BTAF1: variants seen among roughly 807,000 people sequenced by gnomAD.
BTAF1 encodes the protein B-TFIID TATA-box binding protein associated factor 1.
A neutral mutation model predicts 227.1 loss-of-function variants in BTAF1; 38 were observed. That is an observed-to-expected ratio of 0.17 (90% CI 0.13 to 0.22). The LOEUF is 0.22. Among genes scored for constraint, BTAF1 ranks in the 10% least tolerant of loss-of-function variants. The pLI is 1.00. For synonymous variants in BTAF1, 742 were observed against 751.9 expected (o/e 0.99, Z 0.21); for missense variants, 1,598 against 2,204.0 (o/e 0.73, Z 5.51).
At chr10:91,997,350 T>A (rs545354639) in intron 24 of BTAF1, among the ~76,000 whole-genome samples, 1 of 152,372 alleles carries the variant, frequency 6.6e-6, no homozygotes, top group South Asian at 2.1e-4. Flanking sequence ...TAAAGCTTTC[T>A]CCAGCCTTCC....
intron 4 of BTAF1, among the ~76,000 whole-genome samples, chr10:91,948,266 T>C (rs541525079): frequency 1.1e-4 from 17 of 152,124 alleles, no homozygotes; most frequent in African/African-American, 9.6e-5. Flanking sequence ...TGCTTTATCT[T>C]TAAGTTCACT....
In BTAF1 at chr10:91,956,541, G is replaced by A. The variant is rs1846100515; in HGVS notation, c.715G>A (p.Asp239Asn). 1 of 1,603,228 alleles carries A rather than the reference G, an allele frequency of 6.2e-7. No individual in the cohort carries two copies. The highest frequency in any genetic ancestry group is 8.5e-7 in the Non-Finnish European group (1 of 1,177,102). ...ETNEKSNDST[D>N]GEPEEKRRKI... The stretch of plus-strand genomic sequence containing the variant: ...TTTATTTTTTAGCAATGATAGCACT[G>A]ATGGGGAGCCAGAAGAAAAGAGACG... The change falls in exon 7 of 38, where the codon GAT (aspartate) becomes AAT (asparagine). Residue 239 changes from aspartate to asparagine, a missense_variant. Coordinates refer to ENST00000265990, the MANE Select transcript of BTAF1 (RefSeq NM_003972.3).
intron 17 of BTAF1, 76 bp from the exon 18 acceptor site, chr10:91,982,511 G>GA (rs1848137949): frequency 2.0e-6 from 3 of 1,483,924 alleles, no homozygotes; most frequent in Non-Finnish European, 2.7e-6. Flanking sequence ...ATAGGAAATT[G>GA]AAAAAATTTC....
In BTAF1 at chr10:92,024,864, G is replaced by A. The variant is rs780582745; in HGVS notation, c.4972G>A (p.Asp1658Asn). The A allele has an allele frequency of 2.9e-5, 46 of 1,613,670 alleles. No homozygotes were observed. Among genetic ancestry groups the A allele is most frequent in the Non-Finnish European group, 3.6e-5 (43 of 1,179,936 alleles). ...ATTCTGTCAGCTGAAAAGCATGCTT[G>A]ATATAGTAGAGCATGATCTCCTCAA... ...LIFCQLKSMLDIVEHDLLKPH... is the reference protein window; with the variant it reads ...LIFCQLKSMLNIVEHDLLKPH... Residue 1658 changes from aspartate to asparagine, a missense_variant, in exon 35 of 38, where the codon GAT (aspartate) becomes AAT (asparagine). Transcript: ENST00000265990.
At chr10:91,981,455 C>CT (rs898360561) in intron 15 of BTAF1, among the ~76,000 whole-genome samples, 188 bp from the exon 16 acceptor site, 25 of 150,160 alleles carry the variant, frequency 1.7e-4, no homozygotes, top group African/African-American at 2.9e-4. Context: ...CTTTGCATGA[C>CT]TTTTTTTTTA....
chr10:92,018,691 A>G (rs1850909281), intron 33 of BTAF1, 92 bp from the exon 34 acceptor site: 2 of 1,179,830 alleles, frequency 1.7e-6, no homozygotes, highest in South Asian at 2.2e-5. Context: ...CATTCTAAAC[A>G]GCATAGGAAA....
At chr10:91,988,449 A>G (rs1848550426) in intron 19 of BTAF1, among the ~76,000 whole-genome samples, 1 of 152,228 alleles carries the variant, frequency 6.6e-6, no homozygotes, top group Non-Finnish European at 1.5e-5. Context: ...TTTTTATGGT[A>G]TGCAAATTAT....
chr10:92,021,932 GA>G (rs1218578185), intron 34 of BTAF1, among the ~76,000 whole-genome samples: 1 of 151,982 alleles, frequency 6.6e-6, no homozygotes, highest in East Asian at 1.9e-4. Context: ...AGGAATGATT[GA>G]AAAAACGGGT....
intron 8 of BTAF1, among the ~76,000 whole-genome samples, chr10:91,958,314 C>A (rs916338672): frequency 6.6e-6 from 1 of 152,100 alleles, no homozygotes; most frequent in African/African-American, 2.4e-5. Context: ...CCTGGGCCTT[C>A]CAAAGTGCTG....
At chr10:91,924,720 C>T (rs1348673381) in intron 1 of BTAF1, among the ~76,000 whole-genome samples, 1 of 152,146 alleles carries the variant, frequency 6.6e-6, no homozygotes, top group Non-Finnish European at 1.5e-5. Context: ...GAAATATTGC[C>T]TGTCAACAGG....
intron 25 of BTAF1, among the ~76,000 whole-genome samples, chr10:92,007,046 T>G (rs945560558): frequency 2.6e-4 from 39 of 149,422 alleles, no homozygotes; most frequent in Admixed American, 1.7e-3. Context: ...ATATTTGGGT[T>G]TTTTTTTTTA....
chr10:92,011,013 G>A, intron 28 of BTAF1, 60 bp from the exon 29 acceptor site: 2 of 1,217,784 alleles, frequency 1.6e-6, no homozygotes, highest in South Asian at 2.6e-5. Flanking sequence ...TATACAAATG[G>A]TAGCTATTAA....
intron 25 of BTAF1, among the ~76,000 whole-genome samples, chr10:92,000,356 A>T (rs1035759360): frequency 2.0e-5 from 3 of 152,216 alleles, no homozygotes; most frequent in Non-Finnish European, 4.4e-5. Flanking sequence ...AAAGGAGATG[A>T]TGACCGCAGT....
chr10:92,005,804 G>C (rs935354494), intron 25 of BTAF1, among the ~76,000 whole-genome samples: 12 of 151,782 alleles, frequency 7.9e-5, no homozygotes, highest in Admixed American at 2.6e-4. Context: ...ATGTGTTAGT[G>C]AGAAGAGTGA....
In BTAF1 at chr10:91,964,133, A is replaced by G; in HGVS notation, c.1461A>G (p.Thr487=). ...WDALLELDDL[T]ASTNSIMTLL... ...CTCTTCTGGAATTAGATGATCTAAC[A>G]GCTTCAACAAATAGTATTATGACTC... is the stretch of plus-strand genomic sequence containing the variant. The change falls in exon 13 of 38, where the codon ACA becomes ACG. Residue 487 remains threonine (T), a synonymous_variant. Transcript: ENST00000265990. The G allele has an allele frequency of 2.5e-6, 4 of 1,613,016 alleles. No individual in the cohort carries two copies. Among genetic ancestry groups the G allele is most frequent in the Non-Finnish European group, 3.4e-6 (4 of 1,179,246 alleles).
intron 14 of BTAF1, among the ~76,000 whole-genome samples, chr10:91,973,278 A>AC (rs1847438131): frequency 6.6e-6 from 1 of 152,288 alleles, no homozygotes; most frequent in East Asian, 1.9e-4. Flanking sequence ...CTAATTTATG[A>AC]CCTTTGTCAG....
chr10:92,011,036 G>A lies in BTAF1; in HGVS notation c.4104-37G>A, dbSNP rs200923023. On this transcript the variant is annotated intron_variant, in intron 28 of 37. Transcript: ENST00000265990. ...TGGTAGCTATTAAGAACTTTTCAGGGTCTCTGTTTTCTAATTTTATTCATT... is the reference window on the plus strand; with the variant it reads ...TGGTAGCTATTAAGAACTTTTCAGGATCTCTGTTTTCTAATTTTATTCATT... 171 of 1,487,820 alleles carry A rather than the reference G, an allele frequency of 1.1e-4. 1 individual carries two copies. In the East Asian group the frequency reaches 3.4e-3, roughly 30 times the overall value. 92.2% of individuals were successfully genotyped at this position (1,487,820 alleles called of 1,614,324 possible). A position where few individuals can be genotyped will look rare whatever the true frequency, so the allele number is the denominator to read the frequency against.
intron 1 of BTAF1, among the ~76,000 whole-genome samples, chr10:91,929,554 A>G (rs1471090915): frequency 6.6e-6 from 1 of 152,218 alleles, no homozygotes; most frequent in Non-Finnish European, 1.5e-5. Context: ...CTTCAGAGCA[A>G]CATTGTTTCA....
At chr10:92,019,405 T>TGTGTCA (rs1850960944) in intron 34 of BTAF1, among the ~76,000 whole-genome samples, 1 of 152,264 alleles carries the variant, frequency 6.6e-6, no homozygotes, top group Non-Finnish European at 1.5e-5. Flanking sequence ...CATCCATTTC[T>TGTGTCA]GTGTCAGTGG....
Sources: allele counts gnomAD v4.1 joint callset (sites outside exome capture counted in the v4.1 genomes callset), GRCh38; gene constraint gnomAD v4.1.1; transcripts MANE v1.5; gene names NCBI Gene and HGNC (gene_info 2026-07-23, HGNC 2026-07-21).